Variants in ATRNL1 observed in about 807,000 individuals in gnomAD.
ATRNL1 encodes attractin-like protein 1.
A neutral mutation model predicts 182.7 loss-of-function variants in ATRNL1; 95 were observed. That is an observed-to-expected ratio of 0.52 (90% CI 0.44 to 0.62). ATRNL1 has a LOEUF of 0.62. ATRNL1 is among the 20% of genes least tolerant of loss of function. ATRNL1 has a pLI of 0.00. For missense variants in ATRNL1, 1,471 were observed against 1,679.5 expected (o/e 0.88, Z 2.17); for synonymous variants, 576 against 568.3 (o/e 1.01, Z -0.19).
At position 115,171,295 on chromosome 10, in the gene ATRNL1, G is replaced by T; in HGVS notation, c.1348+3G>T. 6.5e-7 allele frequency: 1 copy of T among 1,544,446 alleles called. No individual in the cohort carries two copies. Among genetic ancestry groups the T allele is most frequent in the Non-Finnish European group, 8.8e-7 (1 of 1,135,666 alleles). On this transcript the variant is annotated splice_donor_region_variant and intron_variant, in intron 8 of 28. Coordinates refer to ENST00000355044, the MANE Select transcript of ATRNL1 (RefSeq NM_207303.4). ...CAGCATACAGGAATACCATATCTGT[G>T]AGTTACTTAAAAATTGTAATTTCTT... is the stretch of plus-strand genomic sequence containing the variant.
intron 27 of ATRNL1, among the ~76,000 whole-genome samples, chr10:115,736,263 T>C (rs911789579): frequency 6.6e-6 from 1 of 152,186 alleles, no homozygotes; most frequent in Non-Finnish European, 1.5e-5. Context: ...TTGTTCCAAT[T>C]CACTAACTAT....
chr10:115,570,889 G>A (rs562243119), intron 26 of ATRNL1, among the ~76,000 whole-genome samples: 30 of 152,266 alleles, frequency 2.0e-4, no homozygotes, highest in African/African-American at 6.7e-4. Flanking sequence ...AGGACTCCAC[G>A]TGAGCTCTCA....
chr10:115,281,351 G>T lies in ATRNL1; in HGVS notation c.2101-4G>T, dbSNP rs1852352421. The T allele has an allele frequency of 1.9e-6, 3 of 1,607,058 alleles. No homozygotes were observed. Among genetic ancestry groups the T allele is most frequent in the Non-Finnish European group, 2.5e-6 (3 of 1,176,988 alleles). ...AAAAATAACATGCTCTTTTAATTTTGTAGTCTGTCAAGAACTACACCAAAT... is the reference window on the plus strand; with the variant it reads ...AAAAATAACATGCTCTTTTAATTTTTTAGTCTGTCAAGAACTACACCAAAT... On this transcript the variant is annotated splice_region_variant and splice_polypyrimidine_tract_variant and intron_variant, in intron 13 of 28. Coordinates refer to ENST00000355044, the MANE Select transcript of ATRNL1 (RefSeq NM_207303.4).
chr10:115,948,230 A>C lies in ATRNL1; in HGVS notation c.*3451A>C, dbSNP rs899955873. ...TTAAAATTACTGACTGATGACATTG[A>C]GACAAGAGCATCAATGATCACCTTT... On this transcript the variant is annotated 3_prime_UTR_variant, in exon 29 of 29. Transcript: ENST00000355044. The C allele has an allele frequency of 1.3e-5, 2 of 152,216 alleles. No homozygotes were observed. Among genetic ancestry groups the C allele is most frequent in the Non-Finnish European group, 2.9e-5 (2 of 68,038 alleles). 9.4% of individuals were successfully genotyped at this position (152,216 alleles called of 1,614,324 possible).
At chr10:115,178,828 C>T (rs1285502971) in intron 8 of ATRNL1, among the ~76,000 whole-genome samples, 1 of 152,106 alleles carries the variant, frequency 6.6e-6, no homozygotes, top group East Asian at 1.9e-4. Context: ...GCTGCCAGCA[C>T]CTTGATTTTG....
chr10:115,857,106 C>G (rs1191796777), intron 28 of ATRNL1, among the ~76,000 whole-genome samples: 1 of 152,032 alleles, frequency 6.6e-6, no homozygotes, highest in Admixed American at 6.6e-5. Context: ...AATATATTTT[C>G]TCTTCTTTAT....
intron 26 of ATRNL1, among the ~76,000 whole-genome samples, chr10:115,631,547 A>C (rs1858514385): frequency 6.6e-6 from 1 of 152,102 alleles, no homozygotes; most frequent in Non-Finnish European, 1.5e-5. Flanking sequence ...ATTGAGTATA[A>C]GGGAATAGAT....
rs2084934577 is a variant in ATRNL1 at position 115,093,699 on chromosome 10, T to G, written c.-52T>G. ...GCGGCCGGAATTCCCTTCAACAGCA[T>G]CCCTGTCGGCGCCCGCGAGCGCAGT... On this transcript the variant is annotated 5_prime_UTR_variant, in exon 1 of 29. Transcript: ENST00000355044. This position sits in a 1 kb window ranked among gnomAD's most constrained non-coding sequence, Gnocchi z 6.1. 1.4e-6 allele frequency: 2 copies of G among 1,416,348 alleles called. No homozygotes were observed. The highest frequency in any genetic ancestry group is 5.9e-5 in the East Asian group (2 of 33,676). 87.7% of individuals were successfully genotyped at this position (1,416,348 alleles called of 1,614,324 possible).
At chr10:115,434,934 T>C (rs550043422) in intron 21 of ATRNL1, among the ~76,000 whole-genome samples, 270 of 152,230 alleles carry the variant, frequency 1.8e-3, no homozygotes, top group Non-Finnish European at 3.3e-3. Context: ...TCCTGATAAT[T>C]TGGGAATTTA....
At chr10:115,386,404 A>G (rs1554952651) in intron 19 of ATRNL1, among the ~76,000 whole-genome samples, 1 of 152,172 alleles carries the variant, frequency 6.6e-6, no homozygotes, top group African/African-American at 2.4e-5. Flanking sequence ...ACGGATGAAT[A>G]ATGTATACTT....
chr10:115,811,102 G>A (rs966296025), intron 27 of ATRNL1, among the ~76,000 whole-genome samples: 1 of 151,762 alleles, frequency 6.6e-6, no homozygotes, highest in South Asian at 2.1e-4. Context: ...TTCTTTCTTA[G>A]TATAAGCATT....
intron 26 of ATRNL1, among the ~76,000 whole-genome samples, chr10:115,717,473 G>A (rs190258927): frequency 2.7e-5 from 4 of 148,724 alleles, no homozygotes; most frequent in Admixed American, 2.0e-4. Context: ...GCTTCTTTCT[G>A]TCTGTTTCTT....
chr10:115,385,592 A>C (rs1326862533), intron 19 of ATRNL1, among the ~76,000 whole-genome samples: 1 of 151,960 alleles, frequency 6.6e-6, no homozygotes, highest in African/African-American at 2.4e-5. Flanking sequence ...TTTTTCTTTG[A>C]TATTTTATAC....
intron 28 of ATRNL1, among the ~76,000 whole-genome samples, chr10:115,888,184 T>G (rs1344312233): frequency 2.6e-5 from 4 of 152,214 alleles, no homozygotes; most frequent in Non-Finnish European, 5.9e-5. Context: ...GCTAGTGAAC[T>G]TCTATTGTTC....
intron 26 of ATRNL1, among the ~76,000 whole-genome samples, chr10:115,598,686 T>C (rs1856421915): frequency 6.6e-6 from 1 of 152,116 alleles, no homozygotes; most frequent in Non-Finnish European, 1.5e-5. Context: ...ACATATTCTT[T>C]ATAAAAGTAA....
At chr10:115,780,428 G>A (rs982689009) in intron 27 of ATRNL1, among the ~76,000 whole-genome samples, 8 of 152,192 alleles carry the variant, frequency 5.3e-5, no homozygotes, top group African/African-American at 1.9e-4. Context: ...GCTGTACTGG[G>A]CCAGTAGACC....
At chr10:115,870,886 GAGTA>G (rs1256010170) in intron 28 of ATRNL1, among the ~76,000 whole-genome samples, 6 of 152,142 alleles carry the variant, frequency 3.9e-5, no homozygotes, top group African/African-American at 7.2e-5. Flanking sequence ...TTGTCATGAA[GAGTA>G]AGTGAGTTAA....
intron 28 of ATRNL1, among the ~76,000 whole-genome samples, chr10:115,887,598 C>T (rs930426113): frequency 1.3e-5 from 2 of 152,002 alleles, no homozygotes; most frequent in Non-Finnish European, 2.9e-5. Context: ...GGTTTCACTA[C>T]GTGAATTTAG....
chr10:115,534,063 A>G (rs1851791013), intron 25 of ATRNL1, among the ~76,000 whole-genome samples: 1 of 151,754 alleles, frequency 6.6e-6, no homozygotes. Context: ...TGTGGTGCTG[A>G]AAAAAATGTA....
Sources: allele counts gnomAD v4.1 joint callset (sites outside exome capture counted in the v4.1 genomes callset), GRCh38; gene constraint gnomAD v4.1.1; non-coding constraint Gnocchi (gnomAD v3.1); transcripts MANE v1.5; gene names NCBI Gene and HGNC (gene_info 2026-07-23, HGNC 2026-07-21).